The following ANKS1B variants were observed in gnomAD, a reference collection of about 807,000 sequenced individuals.
ANKS1B encodes ankyrin repeat and sterile alpha motif domain containing 1B.
ANKS1B carries 36 observed loss-of-function variants against 148.3 expected under a neutral mutation model. The observed-to-expected ratio is 0.24, with a 90% CI of 0.19 to 0.32. The LOEUF is 0.32. Among genes scored for constraint, ANKS1B ranks in the 10% least tolerant of loss-of-function variants. ANKS1B has a pLI of 1.00. For synonymous variants in ANKS1B, 542 were observed against 560.8 expected (o/e 0.97, Z 0.47); for missense variants, 1,157 against 1,542.6 (o/e 0.75, Z 4.19).
At chr12:99,257,484 T>C (rs2075404122) in intron 12 of ANKS1B, among the ~76,000 whole-genome samples, 1 of 152,232 alleles carries the variant, frequency 6.6e-6, no homozygotes, top group Non-Finnish European at 1.5e-5. Flanking sequence ...AAATTTTTCA[T>C]ATCTGAAAAT....
intron 1 of ANKS1B, among the ~76,000 whole-genome samples, chr12:99,971,416 T>C (rs1002870439): frequency 6.6e-6 from 1 of 152,170 alleles, no homozygotes; most frequent in Non-Finnish European, 1.5e-5. Flanking sequence ...CACTGCCATC[T>C]CCGCACTAGC....
chr12:99,386,028 C>T (rs2093845487), intron 12 of ANKS1B, among the ~76,000 whole-genome samples: 1 of 152,086 alleles, frequency 6.6e-6, no homozygotes, highest in Non-Finnish European at 1.5e-5. Context: ...ATTAGCTTTC[C>T]ATAGTCAACT....
intron 4 of ANKS1B, among the ~76,000 whole-genome samples, chr12:99,804,745 T>A (rs371782061): frequency 2.6e-4 from 40 of 152,298 alleles, no homozygotes; most frequent in African/African-American, 9.1e-4. Context: ...GACTCTATTT[T>A]CCAACTCCTT....
At chr12:99,243,299 G>C (rs2089689765) in intron 14 of ANKS1B, among the ~76,000 whole-genome samples, 1 of 152,194 alleles carries the variant, frequency 6.6e-6, no homozygotes, top group Non-Finnish European at 1.5e-5. Context: ...CTGGTCATCA[G>C]AGAAATGCAA....
At chr12:98,868,656 A>C (rs918871745) in intron 17 of ANKS1B, among the ~76,000 whole-genome samples, 1 of 152,256 alleles carries the variant, frequency 6.6e-6, no homozygotes, top group African/African-American at 2.4e-5. Context: ...ATCTGGGTCG[A>C]GTTGAAATCA....
At chr12:99,099,023 G>T (rs1218181874) in intron 15 of ANKS1B, among the ~76,000 whole-genome samples, 1 of 152,078 alleles carries the variant, frequency 6.6e-6, no homozygotes, top group Non-Finnish European at 1.5e-5. Flanking sequence ...TCCAGGATGG[G>T]TTCTGCCAGA....
intron 12 of ANKS1B, among the ~76,000 whole-genome samples, chr12:99,256,112 T>C (rs1214707604): frequency 6.6e-6 from 1 of 151,912 alleles, no homozygotes; most frequent in Admixed American, 6.6e-5. Context: ...CAACTGGCTG[T>C]GGTGGTGCGT....
intron 12 of ANKS1B, among the ~76,000 whole-genome samples, chr12:99,364,279 T>A (rs79994752): frequency 1.3e-5 from 1 of 77,706 alleles, no homozygotes; most frequent in African/African-American, 7.9e-5. Flanking sequence ...ATATATATAT[T>A]TGTTTATTGT....
At chr12:99,662,751 G>T (rs996567) in intron 8 of ANKS1B, among the ~76,000 whole-genome samples, 2 of 151,786 alleles carry the variant, frequency 1.3e-5, no homozygotes, top group African/African-American at 4.8e-5. Flanking sequence ...ACTCTATAGC[G>T]GAGGTGAATG....
At chr12:99,546,047 C>G (rs886425988) in intron 9 of ANKS1B, among the ~76,000 whole-genome samples, 3 of 152,024 alleles carry the variant, frequency 2.0e-5, no homozygotes, top group African/African-American at 7.2e-5. Flanking sequence ...AAAATCCTAA[C>G]TCTGCCAGAT....
At chr12:99,977,170 G>T (rs1847341361) in intron 1 of ANKS1B, among the ~76,000 whole-genome samples, 1 of 151,994 alleles carries the variant, frequency 6.6e-6, no homozygotes. Context: ...TTTGAGTAGG[G>T]TCTCACTCTG....
chr12:99,203,563 G>C (rs2082313556), intron 14 of ANKS1B, among the ~76,000 whole-genome samples: 1 of 151,294 alleles, frequency 6.6e-6, no homozygotes, highest in African/African-American at 2.4e-5. Flanking sequence ...CCATTCTCCT[G>C]TCTCAGCCTC....
chr12:99,776,531 TA>T (rs2063666355), intron 6 of ANKS1B, among the ~76,000 whole-genome samples: 1 of 152,188 alleles, frequency 6.6e-6, no homozygotes, highest in South Asian at 2.1e-4. Flanking sequence ...AATGTAGAAA[TA>T]AATGTTAACC....
intron 9 of ANKS1B, among the ~76,000 whole-genome samples, chr12:99,604,690 C>T (rs955340142): frequency 4.6e-5 from 7 of 151,360 alleles, no homozygotes; most frequent in African/African-American, 1.7e-4. Flanking sequence ...TGGCAGGCAT[C>T]TGTAATCCCA....
chr12:98,877,126 G>A (rs567696684), intron 17 of ANKS1B, among the ~76,000 whole-genome samples: 4 of 152,272 alleles, frequency 2.6e-5, no homozygotes, highest in South Asian at 2.1e-4. Context: ...GTAGTTAAGC[G>A]ATAGGCACCT....
intron 9 of ANKS1B, among the ~76,000 whole-genome samples, chr12:99,532,363 CTTGT>C (rs752982376): frequency 2.0e-4 from 30 of 151,830 alleles, no homozygotes; most frequent in South Asian, 4.1e-4. Context: ...TTGTTGTTTG[CTTGT>C]TTGTTTGTTT....
chr12:99,984,246 A>G lies in ANKS1B; in HGVS notation c.-9T>C. 1.9e-6 allele frequency: 3 copies of G among 1,611,294 alleles called. No individual in the cohort carries two copies. Among genetic ancestry groups the G allele is most frequent in the Non-Finnish European group, 2.5e-6 (3 of 1,178,552 alleles). On this transcript the variant is annotated 5_prime_UTR_variant, in exon 1 of 27. Coordinates refer to ENST00000683438, the MANE Select transcript of ANKS1B (RefSeq NM_001352186.2). ...TCCTGGTCCTTCCCCATAGTCTCTCACCGACTCCCCCACAGAGTCCTTGCC... is the reference window on the plus strand; with the variant it reads ...TCCTGGTCCTTCCCCATAGTCTCTCGCCGACTCCCCCACAGAGTCCTTGCC...
chr12:99,586,298 C>T (rs2097638931), intron 9 of ANKS1B, among the ~76,000 whole-genome samples: 1 of 152,228 alleles, frequency 6.6e-6, no homozygotes, highest in African/African-American at 2.4e-5. Context: ...CAAAATGCCA[C>T]CAGTCTCCTT....
chr12:99,694,126 AT>A (rs1425774962), intron 8 of ANKS1B, among the ~76,000 whole-genome samples: 49 of 149,862 alleles, frequency 3.3e-4, no homozygotes, highest in African/African-American at 1.1e-3. Context: ...ATAATTTTCT[AT>A]AAAAGCATTA....
Sources: allele counts gnomAD v4.1 joint callset (sites outside exome capture counted in the v4.1 genomes callset), GRCh38; gene constraint gnomAD v4.1.1; transcripts MANE v1.5; gene names NCBI Gene and HGNC (gene_info 2026-07-23, HGNC 2026-07-21).